Variants in CNTN5 observed in about 807,000 individuals in gnomAD.
CNTN5 encodes the protein contactin 5, also known as contactin-5.
CNTN5 carries 77 observed loss-of-function variants against 129.1 expected under a neutral mutation model. The observed-to-expected ratio is 0.60, with a 90% CI of 0.50 to 0.72. The LOEUF (loss-of-function observed/expected upper bound fraction) is 0.72, where lower values mean the gene tolerates loss of function less well. Ranked by LOEUF, CNTN5 falls within the 30% of genes least tolerant of loss-of-function variation. CNTN5 has a pLI of 0.00. For synonymous variants in CNTN5, 509 were observed against 465.6 expected, an observed-to-expected ratio of 1.09 and a Z score of -1.20; for missense variants, 1,478 against 1,328.8, an observed-to-expected ratio of 1.11 and a Z score of -1.75.
chr11:100,336,987 C>T, intron 21 of CNTN5: 1 of 768,446 alleles, frequency 1.3e-6, no homozygotes, highest in African/African-American at 1.7e-5. Context: ...CAGAGCACAG[C>T]ACATTGAACC....
At chr11:99,386,464 G>T (rs1940932852) in intron 2 of CNTN5, among the ~76,000 whole-genome samples, 1 of 152,074 alleles carries the variant, frequency 6.6e-6, no homozygotes, top group Non-Finnish European at 1.5e-5. Context: ...TCCTGACATT[G>T]CCATGGCATT....
intron 6 of CNTN5, among the ~76,000 whole-genome samples, chr11:99,875,155 C>G (rs1948600077): frequency 6.6e-6 from 1 of 152,124 alleles, no homozygotes; most frequent in African/African-American, 2.4e-5. Flanking sequence ...CCCTTTACCT[C>G]CACACTGAAA....
intron 7 of CNTN5, among the ~76,000 whole-genome samples, chr11:99,933,818 A>C (rs1252972751): frequency 6.6e-6 from 1 of 152,240 alleles, no homozygotes; most frequent in African/African-American, 2.4e-5. Context: ...GTTGATGTAC[A>C]TTTCAGCTGT....
intron 1 of CNTN5, among the ~76,000 whole-genome samples, chr11:99,299,819 C>A (rs1864549761): frequency 6.6e-6 from 1 of 152,084 alleles, no homozygotes; most frequent in African/African-American, 2.4e-5. Flanking sequence ...AGGGACATAT[C>A]ATGTGACTGC....
intron 6 of CNTN5, among the ~76,000 whole-genome samples, chr11:99,862,374 TC>T (rs1356154313): frequency 5.3e-5 from 8 of 152,160 alleles, no homozygotes; most frequent in Admixed American, 5.2e-4. Flanking sequence ...ATGTTTTTTT[TC>T]CCTGGATTCT....
At chr11:100,320,032 T>C (rs541610158) in intron 21 of CNTN5, among the ~76,000 whole-genome samples, 1 of 152,302 alleles carries the variant, frequency 6.6e-6, no homozygotes, top group African/African-American at 2.4e-5. Context: ...AGTGCAGATG[T>C]CTTTTTGACA....
intron 16 of CNTN5, among the ~76,000 whole-genome samples, chr11:100,250,078 T>C (rs1162743944): frequency 6.6e-6 from 1 of 152,068 alleles, no homozygotes; most frequent in African/African-American, 2.4e-5. Context: ...TTTAGAAAAG[T>C]TAGCTGTCCA....
chr11:99,183,963 A>G (rs1299182488), intron 1 of CNTN5, among the ~76,000 whole-genome samples: 1 of 152,132 alleles, frequency 6.6e-6, no homozygotes, highest in Non-Finnish European at 1.5e-5. Flanking sequence ...TATCTAATAG[A>G]TGAATGAAGA....
intron 1 of CNTN5, among the ~76,000 whole-genome samples, chr11:99,131,124 T>G (rs1458302526): frequency 2.7e-5 from 4 of 147,236 alleles, no homozygotes; most frequent in Non-Finnish European, 6.0e-5. Context: ...TACAGGCACC[T>G]GTAATCCCAG....
At chr11:99,497,821 TC>T (rs1946283556) in intron 2 of CNTN5, among the ~76,000 whole-genome samples, 1 of 152,156 alleles carries the variant, frequency 6.6e-6, no homozygotes, top group Non-Finnish European at 1.5e-5. Flanking sequence ...CTAGGAATCA[TC>T]GTTTTCACAT....
chr11:99,738,564 AAAT>A (rs1033904275), intron 3 of CNTN5, among the ~76,000 whole-genome samples: 1 of 151,946 alleles, frequency 6.6e-6, no homozygotes, highest in African/African-American at 2.4e-5. Flanking sequence ...AAAGCAGAAA[AAAT>A]AACCCAGAAA....
rs147221506 is a variant in CNTN5 at position 99,475,860 on chromosome 11, T to C, written c.-70-80285T>C. Among the ~76,000 whole-genome samples, 20 of 152,134 alleles carry C rather than the reference T, an allele frequency of 1.3e-4. No homozygotes were observed. In the East Asian group the frequency reaches 3.7e-3, roughly 28 times the overall value. ...ATGATGCTTGAAATTAAGTTCCCAA[T>C]GTTTAAATCATATTTGATGGCTGAA... On this transcript the variant is annotated intron_variant, in intron 2 of 24. Transcript: ENST00000524871.
At position 99,037,576 on chromosome 11, in the gene CNTN5, C is replaced by CTTTTT. The variant is rs1161467398; in HGVS notation, c.-210+16324_-210+16328dup. 4.3e-3 allele frequency among the ~76,000 whole-genome samples: 457 copies of CTTTTT among 105,432 alleles called. 8 individuals carry two copies. Among genetic ancestry groups the CTTTTT allele is most frequent in the African/African-American group, 0.012 (327 of 28,304 alleles). The allele number at this position is 105,432 out of a possible 152,430, so 69.2% of individuals were successfully genotyped here. A position where few individuals can be genotyped will look rare whatever the true frequency, so the allele number is the denominator to read the frequency against. On this transcript the variant is annotated intron_variant, in intron 1 of 24. Transcript: ENST00000524871. ...CATATTTTTCCTTCTTTTTTCTTTT[C>CTTTTT]TTTTTTTTTTTTTTTTTTTTTTAAC...
intron 2 of CNTN5, among the ~76,000 whole-genome samples, chr11:99,344,192 T>G (rs2136064237): frequency 6.6e-6 from 1 of 152,282 alleles, no homozygotes; most frequent in African/African-American, 2.4e-5. Context: ...TAAGGTAGGA[T>G]TTTGTCCACC....
chr11:100,099,554 A>G (rs1273313550), intron 13 of CNTN5, among the ~76,000 whole-genome samples: 1 of 152,126 alleles, frequency 6.6e-6, no homozygotes, highest in Non-Finnish European at 1.5e-5. Flanking sequence ...ACAAGGGGAT[A>G]ACTACACAAG....
At chr11:99,725,112 G>T (rs1943294308) in intron 3 of CNTN5, among the ~76,000 whole-genome samples, 1 of 152,176 alleles carries the variant, frequency 6.6e-6, no homozygotes, top group African/African-American at 2.4e-5. Context: ...GTAATTATCT[G>T]TGTAATTAGA....
At chr11:99,342,601 A>AAAAAAAAAAAAAAAAAAAAG (rs1866569435) in intron 2 of CNTN5, among the ~76,000 whole-genome samples, 1 of 135,518 alleles carries the variant, frequency 7.4e-6, no homozygotes, top group Non-Finnish European at 1.6e-5. Context: ...AAAAAAAAAA[A>AAAAAAAAAAAAAAAAAAAAG]AGCAGGGCGT....
chr11:99,144,834 G>A (rs7118020), intron 1 of CNTN5, among the ~76,000 whole-genome samples: 131,016 of 151,850 alleles, frequency 0.86, 56,922 homozygotes, highest in East Asian at 0.99. Context: ...TTTATCGCCT[G>A]TCTGTATTCT....
Position 100,255,612 on chromosome 11 carries a change from A to G in CNTN5, c.2006-148A>G, listed in dbSNP as rs752284039. The G allele has an allele frequency of 1.9e-4, 125 of 641,266 alleles. 1 individual carries two copies. Among genetic ancestry groups the G allele is most frequent in the Admixed American group, 8.6e-4 (26 of 30,288 alleles). The allele number at this position is 641,266 out of a possible 1,614,324, so 39.7% of individuals were successfully genotyped here. On this transcript the variant is annotated intron_variant, in intron 16 of 24. Transcript: ENST00000524871. The stretch of plus-strand genomic sequence containing the variant: ...AAATCCTAGACTCCAACTTGCATCC[A>G]TGACTTTTTGTTGTCAATTTTAATT...
Sources: gnomAD v4.1 joint callset for allele counts (sites outside exome capture counted in the v4.1 genomes callset) on GRCh38, gnomAD v4.1.1 for gene constraint, MANE v1.5 for transcripts, NCBI Gene and HGNC (gene_info 2026-07-23, HGNC 2026-07-21) for gene names.